ACAD11: variants seen among roughly 807,000 people sequenced by gnomAD.
ACAD11 encodes acyl-Coenzyme A dehydrogenase family, member 11.
Under a neutral mutation model 102.2 loss-of-function variants are expected in ACAD11, and 83 were observed. The observed-to-expected ratio is 0.81, with a 90% CI of 0.68 to 0.97. The LOEUF (loss-of-function observed/expected upper bound fraction) is 0.97, where lower values mean the gene tolerates loss of function less well. Ranked by LOEUF, ACAD11 falls within the 50% of genes least tolerant of loss-of-function variation. ACAD11 has a pLI of 0.00. For synonymous variants in ACAD11, 324 were observed against 319.8 expected, an observed-to-expected ratio of 1.01 and a Z score of -0.14; for missense variants, 901 against 951.7, an observed-to-expected ratio of 0.95 and a Z score of 0.70.
intron 11 of ACAD11, among the ~76,000 whole-genome samples, chr3:132,611,827 C>T (rs1225918190): frequency 1.3e-5 from 2 of 152,042 alleles, no homozygotes; most frequent in East Asian, 3.9e-4. Context: ...TCAATGCCAT[C>T]CCCATCAAGC....
intron 13 of ACAD11, among the ~76,000 whole-genome samples, chr3:132,602,634 T>C (rs1213226129): frequency 2.0e-5 from 3 of 152,156 alleles, no homozygotes; most frequent in Non-Finnish European, 2.9e-5. Flanking sequence ...AGCAATTACA[T>C]TGGTCAAAAA....
chr3:132,649,255 C>T (rs1205987456), intron 1 of ACAD11, among the ~76,000 whole-genome samples: 1 of 152,204 alleles, frequency 6.6e-6, no homozygotes, highest in Non-Finnish European at 1.5e-5. Flanking sequence ...AGAGGAAAGC[C>T]TCTTGCAGTG....
At chr3:132,559,749 T>A in intron 19 of ACAD11, 84 bp downstream of exon 19, 8 of 1,061,562 alleles carry the variant, frequency 7.5e-6, no homozygotes, top group Non-Finnish European at 1.1e-5. Context: ...AAAATAAACA[T>A]AAGCAATTAA....
intron 9 of ACAD11, among the ~76,000 whole-genome samples, chr3:132,622,668 C>T (rs542983960): frequency 6.6e-6 from 1 of 152,002 alleles, no homozygotes; most frequent in Non-Finnish European, 1.5e-5. Flanking sequence ...TATAAAGAAC[C>T]CTTCTTTGGT....
chr3:132,560,686 C>T lies in ACAD11; in HGVS notation c.2118+415G>A, dbSNP rs147538537. Among the ~76,000 whole-genome samples, 593 of 152,186 alleles carry T rather than the reference C, an allele frequency of 3.9e-3. 6 individuals carry two copies. The highest frequency in any genetic ancestry group is 0.012 in the African/African-American group (502 of 41,538). On this transcript the variant is annotated intron_variant, in intron 18 of 19. Transcript: ENST00000264990. ...CTTCCCAAGTAGCTTGGATTACAGG[C>T]GAGAGCCACTGTACGTGGCTTCTGC...
chr3:132,570,569 G>T (rs1053988393), intron 17 of ACAD11, among the ~76,000 whole-genome samples: 3 of 151,714 alleles, frequency 2.0e-5, no homozygotes, highest in Non-Finnish European at 4.4e-5. Flanking sequence ...AGATAAACTC[G>T]TGCCATGGGG....
Position 132,575,875 on chromosome 3 carries a change from A to G in ACAD11, c.1898T>C (p.Ile633Thr). Residue 633 changes from isoleucine to threonine, a missense_variant, in exon 17 of 20, where the codon ATC becomes ACC. Coordinates refer to ENST00000264990, the MANE Select transcript of ACAD11 (RefSeq NM_032169.5). ...ACCTACTGTTCTCATACAGTGGTGG[A>G]TTCTGCCAGGTCCAAGGCGGCCTTG... ...ISQGRLGPGR[I>T]HHCMRTVGLA... The G allele has an allele frequency of 6.2e-7, 1 of 1,614,070 alleles. No homozygotes were observed. The highest frequency in any genetic ancestry group is 8.5e-7 in the Non-Finnish European group (1 of 1,179,976).
chr3:132,638,215 T>C (rs1242019830), intron 5 of ACAD11, among the ~76,000 whole-genome samples: 2 of 151,712 alleles, frequency 1.3e-5, no homozygotes, highest in Non-Finnish European at 2.9e-5. Flanking sequence ...AACTCAGAAT[T>C]TTTTTTTTCA....
At chr3:132,643,588 T>C (rs974331936) in intron 2 of ACAD11, among the ~76,000 whole-genome samples, 1 of 152,082 alleles carries the variant, frequency 6.6e-6, no homozygotes, top group Non-Finnish European at 1.5e-5. Flanking sequence ...ATGCAGCTCA[T>C]TTTGACATCA....
At chr3:132,571,749 G>A (rs1426635325) in intron 17 of ACAD11, among the ~76,000 whole-genome samples, 4 of 151,978 alleles carry the variant, frequency 2.6e-5, no homozygotes, top group African/African-American at 9.7e-5. Context: ...TGTAAGGTTG[G>A]TTCAACATTT....
At chr3:132,605,859 A>G (rs1173187100) in intron 11 of ACAD11, among the ~76,000 whole-genome samples, 1 of 152,202 alleles carries the variant, frequency 6.6e-6, no homozygotes, top group Non-Finnish European at 1.5e-5. Flanking sequence ...CATACTACCT[A>G]GAAAATACTT....
chr3:132,649,144 C>T (rs1303516751), intron 1 of ACAD11, among the ~76,000 whole-genome samples: 1 of 152,220 alleles, frequency 6.6e-6, no homozygotes, highest in Non-Finnish European at 1.5e-5. Flanking sequence ...AAGGTTTCTC[C>T]CCATGTGATA....
At chr3:132,579,169 G>C (rs1937564106) in intron 14 of ACAD11, 1 of 969,480 alleles carries the variant, frequency 1.0e-6, no homozygotes, top group Non-Finnish European at 1.4e-6. Context: ...CAAGATTATT[G>C]CCTTTGATCT....
chr3:132,606,345 G>A (rs1281862407), intron 11 of ACAD11, among the ~76,000 whole-genome samples: 2 of 152,174 alleles, frequency 1.3e-5, no homozygotes, highest in African/African-American at 2.4e-5. Flanking sequence ...GAGAAAATAA[G>A]TCCTGAGTTA....
rs138888399 is a variant in ACAD11, at chr3:132,577,877, G to A, written c.1775-862C>T. On this transcript the variant is annotated intron_variant, in intron 15 of 19. Coordinates refer to ENST00000264990, the MANE Select transcript of ACAD11 (RefSeq NM_032169.5). The stretch of plus-strand genomic sequence containing the variant: ...ACGCATTTTTGGTATCTTTGCGGCC[G>A]TTTCGCTGCAACCCAACAATTTCCT... Among the ~76,000 whole-genome samples the A allele has an allele frequency of 6.2e-4, 94 of 152,220 alleles. 1 individual carries two copies. Among genetic ancestry groups the A allele is most frequent in the Middle Eastern group, 6.8e-3 (2 of 294 alleles).
chr3:132,567,509 C>T (rs915730191), intron 17 of ACAD11, among the ~76,000 whole-genome samples: 2 of 151,710 alleles, frequency 1.3e-5, no homozygotes, highest in African/African-American at 2.4e-5. Flanking sequence ...AAATGTAGTT[C>T]TAAAAATGTT....
At chr3:132,620,895 T>G (rs1939583499) in intron 9 of ACAD11, among the ~76,000 whole-genome samples, 1 of 152,114 alleles carries the variant, frequency 6.6e-6, no homozygotes, top group Non-Finnish European at 1.5e-5. Flanking sequence ...CACTCCAAAA[T>G]TTGAAAACAG....
intron 13 of ACAD11, among the ~76,000 whole-genome samples, chr3:132,580,130 T>G (rs1937577493): frequency 6.6e-6 from 1 of 152,076 alleles, no homozygotes; most frequent in Non-Finnish European, 1.5e-5. Context: ...AGATTTTCAA[T>G]TACAAGGCTG....
At chr3:132,574,389 A>G (rs923219556) in intron 17 of ACAD11, among the ~76,000 whole-genome samples, 5 of 152,196 alleles carry the variant, frequency 3.3e-5, no homozygotes, top group Non-Finnish European at 7.3e-5. Context: ...CTGTATACTA[A>G]AAACTTGCCT....
Sources: gnomAD v4.1 joint callset for allele counts (sites outside exome capture counted in the v4.1 genomes callset) on GRCh38, gnomAD v4.1.1 for gene constraint, MANE v1.5 for transcripts, NCBI Gene and HGNC (gene_info 2026-07-23, HGNC 2026-07-21) for gene names.